The following REDIC1 variants were observed in gnomAD, a reference collection of about 807,000 sequenced individuals.
The protein encoded by REDIC1 is HEI10 Interacting Protein 1.
chr12:39,890,495 G>A, the REDIC1 span, among the ~76,000 whole-genome samples: 16 of 152,246 alleles, frequency 1.1e-4, no homozygotes, highest in African/African-American at 3.9e-4. Context: ...GGATTGTTCA[G>A]GTGGGCCTAA....
the REDIC1 span, chr12:39,650,261 A>AT: frequency 6.2e-7 from 1 of 1,610,808 alleles, no homozygotes; most frequent in Non-Finnish European, 8.5e-7. The surrounding 1 kb of genome is among the most constrained non-coding windows in gnomAD (Gnocchi z 4.3). Context: ...AACTGTTCTG[A>AT]TTCCTTGCTT....
the REDIC1 span, among the ~76,000 whole-genome samples, chr12:39,780,845 T>G: frequency 6.6e-6 from 1 of 152,134 alleles, no homozygotes; most frequent in Non-Finnish European, 1.5e-5. Context: ...AAAAGAAATT[T>G]TTTAAAAAAA....
the REDIC1 span, among the ~76,000 whole-genome samples, chr12:39,659,752 T>C: frequency 6.6e-6 from 1 of 152,222 alleles, no homozygotes; most frequent in Non-Finnish European, 1.5e-5. Context: ...TTTTTAATAA[T>C]TGATTTTGCT....
At chr12:39,821,817 T>C in the REDIC1 span, among the ~76,000 whole-genome samples, 1,937 of 152,222 alleles carry the variant, frequency 0.013, 41 homozygotes, top group African/African-American at 0.043. Context: ...ATACAATCCT[T>C]CCCTTGGGAG....
At chr12:39,895,553 C>T in the REDIC1 span, among the ~76,000 whole-genome samples, 60 of 120,956 alleles carry the variant, frequency 5.0e-4, 2 homozygotes, top group South Asian at 1.7e-3. Flanking sequence ...TATATATATA[C>T]ACACACACAC....
chr12:39,666,401 C>T, the REDIC1 span, among the ~76,000 whole-genome samples: 120,542 of 152,060 alleles, frequency 0.79, 48,505 homozygotes, highest in Non-Finnish European at 0.87. Context: ...CAGCCTTGCA[C>T]CCCAGGGATG....
At chr12:39,699,677 A>G in the REDIC1 span, among the ~76,000 whole-genome samples, 1 of 152,266 alleles carries the variant, frequency 6.6e-6, no homozygotes, top group Non-Finnish European at 1.5e-5. Flanking sequence ...TAACCTCTGC[A>G]GACTTAAATG....
chr12:39,735,438 CA>C, the REDIC1 span, among the ~76,000 whole-genome samples: 8 of 152,026 alleles, frequency 5.3e-5, no homozygotes, highest in Admixed American at 5.2e-4. Flanking sequence ...TGTAGATTTC[CA>C]AGGAGAATGT....
At chr12:39,731,736 T>G in the REDIC1 span, among the ~76,000 whole-genome samples, 2 of 152,036 alleles carry the variant, frequency 1.3e-5, no homozygotes, top group Non-Finnish European at 2.9e-5. Context: ...TTAACTCCGC[T>G]GAAGTTGTGC....
the REDIC1 span, among the ~76,000 whole-genome samples, chr12:39,726,123 G>GCCTCCT: frequency 1.3e-5 from 2 of 150,820 alleles, no homozygotes; most frequent in East Asian, 1.9e-4. Context: ...TTTTGCTGCT[G>GCCTCCT]CCTCCTCCTC....
chr12:39,884,623 GGAGGGTGGGAGCCCATAACACT>G, the REDIC1 span, among the ~76,000 whole-genome samples: 1 of 152,166 alleles, frequency 6.6e-6, no homozygotes, highest in South Asian at 2.1e-4. Flanking sequence ...GACTGTTCAG[GGAGGGTGGGAGCCCATAACACT>G]GAGGGTGACC....
the REDIC1 span, among the ~76,000 whole-genome samples, chr12:39,700,292 T>C: frequency 6.4e-4 from 98 of 152,140 alleles, no homozygotes; most frequent in African/African-American, 2.2e-3. Context: ...ACTTGGAGAA[T>C]GCAGAAGCCT....
the REDIC1 span, among the ~76,000 whole-genome samples, chr12:39,863,391 C>A: frequency 6.6e-6 from 1 of 152,062 alleles, no homozygotes; most frequent in African/African-American, 2.4e-5. Flanking sequence ...GTTCAAAGAA[C>A]TTTTTCTAAT....
the REDIC1 span, among the ~76,000 whole-genome samples, chr12:39,812,396 C>T: frequency 4.5e-4 from 52 of 115,558 alleles, no homozygotes; most frequent in Middle Eastern, 3.9e-3. Flanking sequence ...CTTTCTCTCT[C>T]TCTTTCTTCC....
At chr12:39,861,116 T>C in the REDIC1 span, among the ~76,000 whole-genome samples, 221 of 152,354 alleles carry the variant, frequency 1.5e-3, no homozygotes, top group African/African-American at 5.1e-3. Context: ...GTACCTGCCA[T>C]TCTTTCTGTG....
chr12:39,650,097 G>A, the REDIC1 span: 1 of 902,304 alleles, frequency 1.1e-6, no homozygotes, highest in Non-Finnish European at 1.5e-6. The surrounding 1 kb of genome is among the most constrained non-coding windows in gnomAD (Gnocchi z 4.3). Flanking sequence ...TCAATAAGTA[G>A]TAAAATTACT....
the REDIC1 span, among the ~76,000 whole-genome samples, chr12:39,789,629 T>A: frequency 0.03 from 4,520 of 152,260 alleles, 221 homozygotes; most frequent in African/African-American, 0.1. Flanking sequence ...TAATACAAAC[T>A]GTGTCGTAAG....
At chr12:39,860,423 T>C in the REDIC1 span, among the ~76,000 whole-genome samples, 104 of 152,334 alleles carry the variant, frequency 6.8e-4, 1 homozygote, top group African/African-American at 2.4e-3. Context: ...AAGATCTTAG[T>C]TGTGAACAAG....
chr12:39,627,624 G>A, the REDIC1 span, among the ~76,000 whole-genome samples: 1 of 152,168 alleles, frequency 6.6e-6, no homozygotes, highest in Non-Finnish European at 1.5e-5. Context: ...TGGAGGTGCA[G>A]CATCTGGAGA....
Sources: gnomAD v4.1 joint callset for allele counts (sites outside exome capture counted in the v4.1 genomes callset) on GRCh38, gnomAD v4.1.1 for gene constraint, Gnocchi (gnomAD v3.1) non-coding constraint, MANE v1.5 for transcripts, NCBI Gene and HGNC (gene_info 2026-07-23, HGNC 2026-07-21) for gene names.